Variants in EFNA5 observed in about 807,000 individuals in gnomAD.
EFNA5 encodes the protein ephrin-A5.
EFNA5 carries 5 observed loss-of-function variants against 22.9 expected under a neutral mutation model. That is an observed-to-expected ratio of 0.22 (90% CI 0.11 to 0.46). The LOEUF is 0.46. Ranked by LOEUF, EFNA5 falls within the 20% of genes least tolerant of loss-of-function variation. The pLI is 0.99. For synonymous variants in EFNA5, 113 were observed against 112.2 expected, an observed-to-expected ratio of 1.01 and a Z score of -0.04; for missense variants, 237 against 293.3, an observed-to-expected ratio of 0.81 and a Z score of 1.40.
chr5:107,387,156 A>G (rs1747646971), intron 4 of EFNA5, 79 bp downstream of exon 4: 3 of 988,396 alleles, frequency 3.0e-6, no homozygotes, highest in African/African-American at 1.6e-5. Context: ...AAACATGCAG[A>G]GAAGAAGAAA....
rs62355607 is a variant in EFNA5 at position 107,517,813 on chromosome 5, C to T, written c.126-90304G>A. On this transcript the variant is annotated intron_variant, in intron 1 of 4. Coordinates refer to ENST00000333274, the MANE Select transcript of EFNA5 (RefSeq NM_001962.3). ...CACTTAGAAACACATTCTTAAGGAT[C>T]TATTAAACTCATATTTTCATTATAA... 9.2e-3 allele frequency among the ~76,000 whole-genome samples: 1,408 copies of T among 152,276 alleles called. 10 individuals carry two copies. Among genetic ancestry groups the T allele is most frequent in the Middle Eastern group, 0.027 (8 of 294 alleles).
chr5:107,434,004 G>T (rs1246916919), intron 1 of EFNA5, among the ~76,000 whole-genome samples: 2 of 152,138 alleles, frequency 1.3e-5, no homozygotes. Context: ...GAGAAGTGAG[G>T]TAACAGTTGA....
chr5:107,447,951 G>A (rs879735960), intron 1 of EFNA5, among the ~76,000 whole-genome samples: 6 of 152,042 alleles, frequency 3.9e-5, no homozygotes, highest in East Asian at 1.9e-4. Flanking sequence ...GGGTTCAAGC[G>A]ATTCTCTGCC....
intron 2 of EFNA5, among the ~76,000 whole-genome samples, chr5:107,389,579 G>A (rs541530068): frequency 6.6e-6 from 1 of 152,322 alleles, no homozygotes; most frequent in Non-Finnish European, 1.5e-5. Context: ...ACAGGCTGAA[G>A]ACAGAATCAA....
At chr5:107,651,304 T>C (rs1750724734) in intron 1 of EFNA5, among the ~76,000 whole-genome samples, 1 of 152,142 alleles carries the variant, frequency 6.6e-6, no homozygotes, top group African/African-American at 2.4e-5. Flanking sequence ...TGATTTAGTC[T>C]ATAAAGGACT....
At chr5:107,661,586 A>C (rs1387121169) in intron 1 of EFNA5, among the ~76,000 whole-genome samples, 1 of 152,226 alleles carries the variant, frequency 6.6e-6, no homozygotes, top group African/African-American at 2.4e-5. Flanking sequence ...AAACAATAGA[A>C]GGGGAACTAG....
intron 2 of EFNA5, among the ~76,000 whole-genome samples, chr5:107,390,438 T>C (rs1290926572): frequency 1.3e-5 from 2 of 152,104 alleles, no homozygotes; most frequent in African/African-American, 4.8e-5. Flanking sequence ...GACTGAGCAC[T>C]AAAAACAAAA....
intron 1 of EFNA5, among the ~76,000 whole-genome samples, chr5:107,483,175 G>C (rs1161760706): frequency 6.6e-6 from 1 of 151,862 alleles, no homozygotes; most frequent in African/African-American, 2.4e-5. Flanking sequence ...TCTTTCCAGA[G>C]ATTACTTCAT....
At chr5:107,404,367 C>G (rs1748157435) in intron 2 of EFNA5, among the ~76,000 whole-genome samples, 2 of 152,116 alleles carry the variant, frequency 1.3e-5, no homozygotes, top group East Asian at 3.8e-4. Context: ...GTTTATTTTT[C>G]TCTATTTAAC....
At chr5:107,548,801 T>C (rs1006349878) in intron 1 of EFNA5, among the ~76,000 whole-genome samples, 1 of 152,000 alleles carries the variant, frequency 6.6e-6, no homozygotes, top group Non-Finnish European at 1.5e-5. Context: ...TGGTGGATTA[T>C]GGTGGTAGGA....
intron 1 of EFNA5, among the ~76,000 whole-genome samples, chr5:107,519,977 A>G (rs1450482818): frequency 6.6e-6 from 1 of 152,164 alleles, no homozygotes; most frequent in Non-Finnish European, 1.5e-5. Flanking sequence ...TTTCTCATTC[A>G]TGCTTTGTTT....
At chr5:107,592,134 A>T (rs1749383917) in intron 1 of EFNA5, among the ~76,000 whole-genome samples, 2 of 135,266 alleles carry the variant, frequency 1.5e-5, no homozygotes, top group South Asian at 4.3e-4. Context: ...AATATATAGA[A>T]TAAATGAGTC....
At chr5:107,423,337 A>C (rs1275105358) in intron 2 of EFNA5, among the ~76,000 whole-genome samples, 1 of 152,066 alleles carries the variant, frequency 6.6e-6, no homozygotes, top group Non-Finnish European at 1.5e-5. Context: ...ACTTCTATCA[A>C]ACATATTCTC....
intron 1 of EFNA5, among the ~76,000 whole-genome samples, chr5:107,562,463 T>C (rs1214381544): frequency 6.6e-6 from 1 of 152,138 alleles, no homozygotes; most frequent in East Asian, 1.9e-4. Context: ...TGAAAGTATT[T>C]ATTAGGTTGC....
intron 1 of EFNA5, among the ~76,000 whole-genome samples, chr5:107,513,716 G>C (rs1334569755): frequency 2.0e-5 from 3 of 152,178 alleles, no homozygotes; most frequent in Non-Finnish European, 4.4e-5. Context: ...AACAGAAAGA[G>C]GCTGGTGGTA....
chr5:107,537,747 C>T (rs1249812071), intron 1 of EFNA5, among the ~76,000 whole-genome samples: 3 of 152,114 alleles, frequency 2.0e-5, no homozygotes, highest in Non-Finnish European at 4.4e-5. Context: ...TATTAGGTAA[C>T]AGAGCCATGC....
At chr5:107,418,741 C>T (rs1199896130) in intron 2 of EFNA5, among the ~76,000 whole-genome samples, 2 of 152,174 alleles carry the variant, frequency 1.3e-5, no homozygotes, top group Non-Finnish European at 2.9e-5. Context: ...GAATTTCCAT[C>T]AAGTCCTGAT....
At chr5:107,497,423 G>C (rs1042758807) in intron 1 of EFNA5, among the ~76,000 whole-genome samples, 1 of 152,140 alleles carries the variant, frequency 6.6e-6, no homozygotes, top group South Asian at 2.1e-4. Flanking sequence ...AGAAATAATA[G>C]TCATGTAAAG....
At chr5:107,528,870 A>G (rs1417655613) in intron 1 of EFNA5, among the ~76,000 whole-genome samples, 2 of 152,202 alleles carry the variant, frequency 1.3e-5, no homozygotes, top group Admixed American at 6.6e-5. Flanking sequence ...ACTTTGTATC[A>G]TGACCCATGA....
Sources: gnomAD v4.1 joint callset for allele counts (sites outside exome capture counted in the v4.1 genomes callset) on GRCh38, gnomAD v4.1.1 for gene constraint, MANE v1.5 for transcripts, NCBI Gene and HGNC (gene_info 2026-07-23, HGNC 2026-07-21) for gene names.